TENM2: variants seen among roughly 807,000 people sequenced by gnomAD.
TENM2 encodes the protein teneurin-2.
A neutral mutation model predicts 245.2 loss-of-function variants in TENM2; 52 were observed. The ratio of observed to expected loss-of-function variants is 0.21; its 90% CI spans 0.17 to 0.27. TENM2 has a LOEUF of 0.27. TENM2 is among the 10% of genes least tolerant of loss of function. The pLI is 1.00. For synonymous variants in TENM2, 1,363 were observed against 1,438.9 expected, an observed-to-expected ratio of 0.95 and a Z score of 1.19; for missense variants, 3,046 against 3,666.8, an observed-to-expected ratio of 0.83 and a Z score of 4.37.
chr5:168,155,730 C>G (rs1007518765), intron 12 of TENM2, among the ~76,000 whole-genome samples: 1 of 151,952 alleles, frequency 6.6e-6, no homozygotes, highest in Non-Finnish European at 1.5e-5. Flanking sequence ...ACACTTCAGC[C>G]TATGTGCTAA....
chr5:167,685,819 A>G (rs1338167866), intron 2 of TENM2, among the ~76,000 whole-genome samples: 3 of 152,214 alleles, frequency 2.0e-5, no homozygotes, highest in African/African-American at 4.8e-5. Flanking sequence ...ATTGAAGGGT[A>G]TAGAGGGCGT....
chr5:167,269,082 AG>A, the TENM2 span, among the ~76,000 whole-genome samples: 1 of 152,162 alleles, frequency 6.6e-6, no homozygotes, highest in Non-Finnish European at 1.5e-5. Context: ...CTACCTTGAA[AG>A]AGAACATTTA....
intron 12 of TENM2, among the ~76,000 whole-genome samples, chr5:168,157,916 T>A (rs146298104): frequency 6.6e-6 from 1 of 152,064 alleles, no homozygotes. Context: ...TTTGTTGTTG[T>A]TGGTGTTGTT....
chr5:167,541,148 C>A (rs1209256420), intron 2 of TENM2, among the ~76,000 whole-genome samples: 1 of 152,144 alleles, frequency 6.6e-6, no homozygotes, highest in Non-Finnish European at 1.5e-5. Flanking sequence ...TCCCCAAATG[C>A]CCTTAAGCAT....
chr5:167,350,585 G>GATATATATATATGGATATATATATGGGAT (rs1561883284), intron 1 of TENM2, among the ~76,000 whole-genome samples: 5 of 136,408 alleles, frequency 3.7e-5, no homozygotes, highest in Non-Finnish European at 7.8e-5. Flanking sequence ...ATATATATGG[G>GATATATATATATGGATATATATATGGGAT]ATATATATAT....
At chr5:167,795,558 G>A (rs576546138) in intron 2 of TENM2, among the ~76,000 whole-genome samples, 1 of 152,248 alleles carries the variant, frequency 6.6e-6, no homozygotes, top group African/African-American at 2.4e-5. Flanking sequence ...CTCTATGGTA[G>A]AAATCTAGAG....
intron 2 of TENM2, among the ~76,000 whole-genome samples, chr5:167,626,890 G>A (rs995935534): frequency 1.3e-5 from 2 of 152,178 alleles, no homozygotes; most frequent in African/African-American, 4.8e-5. Flanking sequence ...GGCCGCCACA[G>A]TGGTAAGCTC....
At chr5:167,032,446 A>G in the TENM2 span, among the ~76,000 whole-genome samples, 1 of 152,192 alleles carries the variant, frequency 6.6e-6, no homozygotes, top group African/African-American at 2.4e-5. Context: ...AAACCTAGAA[A>G]GTAAAATCTT....
intron 2 of TENM2, among the ~76,000 whole-genome samples, chr5:167,706,857 T>C (rs1758562317): frequency 6.6e-6 from 1 of 151,318 alleles, no homozygotes; most frequent in Non-Finnish European, 1.5e-5. Flanking sequence ...CTACTAAAAA[T>C]ACGAAAAATT....
chr5:167,010,562 C>T, the TENM2 span, among the ~76,000 whole-genome samples: 1 of 152,142 alleles, frequency 6.6e-6, no homozygotes, highest in African/African-American at 2.4e-5. Flanking sequence ...ATTTCAAAAA[C>T]TGTATAAAGA....
At chr5:167,809,833 A>C (rs2150987502) in intron 2 of TENM2, among the ~76,000 whole-genome samples, 1 of 152,274 alleles carries the variant, frequency 6.6e-6, no homozygotes, top group Non-Finnish European at 1.5e-5. Flanking sequence ...GGTGATAGAA[A>C]AACAGAATTC....
chr5:167,539,248 T>G, intron 2 of TENM2, among the ~76,000 whole-genome samples: 1 of 152,174 alleles, frequency 6.6e-6, no homozygotes, highest in East Asian at 1.9e-4. Context: ...AATGTTACAT[T>G]TTAAGAATAC....
chr5:167,970,944 C>T (rs994888), intron 4 of TENM2, among the ~76,000 whole-genome samples: 1 of 151,688 alleles, frequency 6.6e-6, no homozygotes. Context: ...AGGTAGAAGG[C>T]GCATATTCAG....
intron 13 of TENM2, among the ~76,000 whole-genome samples, chr5:168,166,415 A>G (rs377442351): frequency 6.6e-6 from 1 of 152,222 alleles, no homozygotes; most frequent in East Asian, 1.9e-4. Flanking sequence ...ATATAGATAC[A>G]AATAACAGAT....
chr5:166,985,823 T>TA, the TENM2 span, among the ~76,000 whole-genome samples: 1 of 152,060 alleles, frequency 6.6e-6, no homozygotes, highest in African/African-American at 2.4e-5. Flanking sequence ...GCTGAGAATC[T>TA]AAAAACTGAA....
intron 6 of TENM2, among the ~76,000 whole-genome samples, chr5:168,057,402 A>G (rs943757477): frequency 6.6e-6 from 1 of 152,074 alleles, no homozygotes; most frequent in Non-Finnish European, 1.5e-5. Flanking sequence ...TGAGACCACA[A>G]TAGGCTAATA....
the TENM2 span, among the ~76,000 whole-genome samples, chr5:167,106,078 G>A: frequency 6.6e-6 from 1 of 151,848 alleles, no homozygotes; most frequent in Non-Finnish European, 1.5e-5. Flanking sequence ...CTCACTCATG[G>A]TTATCTGTTT....
At chr5:167,783,224 T>C (rs1764325029) in intron 2 of TENM2, among the ~76,000 whole-genome samples, 1 of 151,446 alleles carries the variant, frequency 6.6e-6, no homozygotes, top group African/African-American at 2.4e-5. Flanking sequence ...TTTTCCTCCT[T>C]CCCCCAGGAG....
intron 5 of TENM2, among the ~76,000 whole-genome samples, chr5:168,003,276 G>A (rs182543276): frequency 2.7e-5 from 4 of 149,508 alleles, no homozygotes; most frequent in African/African-American, 7.4e-5. Flanking sequence ...ATCTTTTCCC[G>A]AGTTTAAAAT....
Sources: gnomAD v4.1 joint callset for allele counts (sites outside exome capture counted in the v4.1 genomes callset) on GRCh38, gnomAD v4.1.1 for gene constraint, MANE v1.5 for transcripts, NCBI Gene and HGNC (gene_info 2026-07-23, HGNC 2026-07-21) for gene names.